ANKFY1: variants seen among roughly 807,000 people sequenced by gnomAD.
The protein encoded by ANKFY1 is ankyrin repeat and FYVE domain containing 1, also known as ankyrin repeat and FYVE domain-containing protein 1.
In ANKFY1, 47 loss-of-function variants were observed where a neutral mutation model predicts 128.3. The observed-to-expected ratio is 0.37, with a 90% CI of 0.29 to 0.47. ANKFY1 has a LOEUF of 0.47. Ranked by LOEUF, ANKFY1 falls within the 20% of genes least tolerant of loss-of-function variation. ANKFY1 has a pLI of 1.00. For synonymous variants in ANKFY1, 553 were observed against 601.6 expected (o/e 0.92, Z 1.18); for missense variants, 1,222 against 1,510.6 (o/e 0.81, Z 3.17).
At chr17:4,193,919 C>T (rs1239638523) in intron 10 of ANKFY1, among the ~76,000 whole-genome samples, 1 of 150,294 alleles carries the variant, frequency 6.7e-6, no homozygotes, top group African/African-American at 2.5e-5. Context: ...GCCACCAGCC[C>T]AGCTATTTTT....
intron 1 of ANKFY1, among the ~76,000 whole-genome samples, chr17:4,259,120 TC>T (rs992320752): frequency 1.5e-4 from 23 of 152,210 alleles, no homozygotes; most frequent in Non-Finnish European, 3.1e-4. Flanking sequence ...CTGAGAAATA[TC>T]CTAGGATTCC....
At chr17:4,202,441 G>A (rs1327145391) in intron 7 of ANKFY1, among the ~76,000 whole-genome samples, 4 of 150,804 alleles carry the variant, frequency 2.7e-5, no homozygotes, top group African/African-American at 4.9e-5. Flanking sequence ...GCTCACGCCT[G>A]TAATCCCATC....
chr17:4,206,272 C>T (rs769924735), intron 7 of ANKFY1, 49 bp downstream of exon 7: 17 of 1,588,246 alleles, frequency 1.1e-5, no homozygotes, highest in East Asian at 2.3e-5. Flanking sequence ...AAAAATTACT[C>T]GGATAAAAAT....
intron 1 of ANKFY1, among the ~76,000 whole-genome samples, chr17:4,247,114 TAA>T (rs113145218): frequency 6.7e-5 from 9 of 135,052 alleles, no homozygotes; most frequent in Admixed American, 1.5e-4. Flanking sequence ...GACCCTGTCT[TAA>T]AAAAAAAAAA....
chr17:4,255,375 G>A (rs1156397793), intron 1 of ANKFY1, among the ~76,000 whole-genome samples: 1 of 150,506 alleles, frequency 6.6e-6, no homozygotes, highest in Non-Finnish European at 1.5e-5. Flanking sequence ...GCCTCCTGAA[G>A]CAGCTGAGAT....
Position 4,236,352 on chromosome 17 carries a change from G to A in ANKFY1, c.204-462C>T, listed in dbSNP as rs150013630. Among the ~76,000 whole-genome samples, 42 of 152,260 alleles carry A rather than the reference G, an allele frequency of 2.8e-4. 1 individual carries two copies. The East Asian group carries it at 4.0e-3, about 15-fold the overall frequency. ...TCAAGCAAGGTTAAACAGAAAAACC[G>A]TGAACAAACTAACAAGCAGTCATGA... On this transcript the variant is annotated intron_variant, in intron 2 of 24. Coordinates refer to ENST00000341657, the MANE Select transcript of ANKFY1 (RefSeq NM_001330063.2).
chr17:4,188,094 G>C (rs558103089), intron 11 of ANKFY1: 1 of 152,530 alleles, frequency 6.6e-6, no homozygotes, highest in East Asian at 1.9e-4. Context: ...CAGAGGCATG[G>C]AGAAGGTGAG....
intron 10 of ANKFY1, among the ~76,000 whole-genome samples, chr17:4,192,393 G>A (rs1209625116): frequency 2.1e-5 from 3 of 145,468 alleles, no homozygotes; most frequent in Non-Finnish European, 3.0e-5. Flanking sequence ...GTTGATGGCT[G>A]CTCTAATCTG....
chr17:4,201,006 GA>G (rs2059918217), intron 7 of ANKFY1, among the ~76,000 whole-genome samples: 1 of 152,112 alleles, frequency 6.6e-6, no homozygotes, highest in South Asian at 2.1e-4. Context: ...CAGTAGGTAT[GA>G]AATTAGAAAA....
At chr17:4,177,025 T>A (rs536510621) in intron 19 of ANKFY1, 101 bp downstream of exon 19, 1 of 1,280,350 alleles carries the variant, frequency 7.8e-7, no homozygotes, top group Non-Finnish European at 1.0e-6. Flanking sequence ...CCCCAGGTGC[T>A]TTCACAACAC....
At chr17:4,203,052 T>C (rs1023265482) in intron 7 of ANKFY1, among the ~76,000 whole-genome samples, 6 of 151,396 alleles carry the variant, frequency 4.0e-5, no homozygotes, top group Non-Finnish European at 8.8e-5. Context: ...AGAAAATTAA[T>C]AAAGTTTTAC....
rs1047178825 is a variant in ANKFY1 at position 4,250,567 on chromosome 17, A to G, written c.11-8119T>C. On this transcript the variant is annotated intron_variant, in intron 1 of 24. Coordinates refer to ENST00000341657, the MANE Select transcript of ANKFY1 (RefSeq NM_001330063.2). The stretch of plus-strand genomic sequence containing the variant: ...ATGGATTGGAAGGCTCAATAGCTCA[A>G]TATTGTTAAGATGTCAGGTCTCTCC... Among the ~76,000 whole-genome samples, 4 of 152,220 alleles carry G rather than the reference A, an allele frequency of 2.6e-5. No individual in the cohort carries two copies. The East Asian group carries it at 5.8e-4, about 22-fold the overall frequency.
At chr17:4,252,020 C>T (rs1047726567) in intron 1 of ANKFY1, among the ~76,000 whole-genome samples, 3 of 134,546 alleles carry the variant, frequency 2.2e-5, no homozygotes, top group East Asian at 2.2e-4. Flanking sequence ...GGCAACAGAA[C>T]GAGACTCCGT....
intron 1 of ANKFY1, among the ~76,000 whole-genome samples, chr17:4,251,518 A>T (rs1318894209): frequency 6.9e-6 from 1 of 145,326 alleles, no homozygotes; most frequent in Non-Finnish European, 1.5e-5. Context: ...TAAAATTTTT[A>T]AAAATTAAAT....
Position 4,206,343 on chromosome 17 carries a change from C to T in ANKFY1, c.876G>A (p.Leu292=). 1.2e-6 allele frequency: 2 copies of T among 1,613,916 alleles called. No homozygotes were observed. Among genetic ancestry groups the T allele is most frequent in the Non-Finnish European group, 1.7e-6 (2 of 1,179,778 alleles). The change falls in exon 7 of 25, where the codon TTG becomes TTA. Residue 292 remains leucine, a synonymous_variant. Transcript: ENST00000341657. ...TACCTCTTTGGATTCCTTTGTGTAA[C>T]AAGCTCCAGCCACTCTTGTCCACCA... ...VDMVDKSGWS[L]LHKGIQRGDL...
chr17:4,191,940 T>C (rs75730787), intron 10 of ANKFY1, among the ~76,000 whole-genome samples: 1 of 40,850 alleles, frequency 2.4e-5, no homozygotes, highest in African/African-American at 5.9e-5. Flanking sequence ...CTGGAGACTC[T>C]TAGTTGATGG....
intron 22 of ANKFY1, among the ~76,000 whole-genome samples, 200 bp from the exon 23 acceptor site, chr17:4,171,061 C>A (rs1254845503): frequency 1.3e-5 from 2 of 152,200 alleles, no homozygotes; most frequent in Non-Finnish European, 2.9e-5. Context: ...AAGGATGTGG[C>A]CACGAGCCAA....
intron 4 of ANKFY1, among the ~76,000 whole-genome samples, chr17:4,212,192 T>A (rs974593253): frequency 1.3e-5 from 2 of 152,180 alleles, no homozygotes; most frequent in Non-Finnish European, 1.5e-5. Context: ...AGACGACTAG[T>A]ATGGTTTCAC....
intron 2 of ANKFY1, among the ~76,000 whole-genome samples, chr17:4,237,364 CATT>C (rs1966955990): frequency 6.6e-6 from 1 of 152,126 alleles, no homozygotes; most frequent in African/African-American, 2.4e-5. Flanking sequence ...CACAGTAGAA[CATT>C]ATTAATGGTC....
Sources: gnomAD v4.1 joint callset for allele counts (sites outside exome capture counted in the v4.1 genomes callset) on GRCh38, gnomAD v4.1.1 for gene constraint, MANE v1.5 for transcripts, NCBI Gene and HGNC (gene_info 2026-07-23, HGNC 2026-07-21) for gene names.